The following USP10 variants were observed in gnomAD, a reference collection of about 807,000 sequenced individuals.
The protein encoded by USP10 is ubiquitin specific peptidase 10.
In USP10, 22 loss-of-function variants were observed where a neutral mutation model predicts 84.5. The observed-to-expected ratio is 0.26, with a 90% CI of 0.19 to 0.37. The LOEUF is 0.37. USP10 is among the 10% of genes least tolerant of loss of function. The pLI, the probability that USP10 is intolerant of heterozygous loss-of-function variation, is 1.00. For synonymous variants in USP10, 454 were observed against 387.6 expected, an observed-to-expected ratio of 1.17 and a Z score of -2.01; for missense variants, 1,019 against 998.9, an observed-to-expected ratio of 1.02 and a Z score of -0.27.
chr16:84,711,197 A>C (rs1466211332), intron 1 of USP10, among the ~76,000 whole-genome samples: 1 of 152,204 alleles, frequency 6.6e-6, no homozygotes, highest in East Asian at 1.9e-4. Context: ...TTTACCCAGT[A>C]CTTGCTCTGT....
In USP10 at chr16:84,779,209, A is replaced by G. The variant is rs1915330027; in HGVS notation, c.*127A>G. On this transcript the variant is annotated 3_prime_UTR_variant, in exon 14 of 14. Coordinates refer to ENST00000219473, the MANE Select transcript of USP10 (RefSeq NM_005153.3). The stretch of plus-strand genomic sequence containing the variant: ...TCTCCCTTTGCAAAAATGGGCTAGA[A>G]TGAAAAGGAGATGCCTTGGGGTTCG... The G allele has an allele frequency of 1.7e-6, 2 of 1,164,948 alleles. No homozygotes were observed. Among genetic ancestry groups the G allele is most frequent in the Non-Finnish European group, 2.4e-6 (2 of 841,228 alleles). The allele number at this position is 1,164,948 out of a possible 1,614,324, so 72.2% of individuals were successfully genotyped here.
rs549542057 is a variant in USP10 at position 84,713,196 on chromosome 16, G to T, written c.21+13085G>T. Among the ~76,000 whole-genome samples, 50 of 152,280 alleles carry T rather than the reference G, an allele frequency of 3.3e-4. No individual in the cohort carries two copies. The East Asian group carries it at 4.6e-3, about 14-fold the overall frequency. On this transcript the variant is annotated intron_variant, in intron 1 of 13. Transcript: ENST00000219473. ...AGCCAATGCCACCATTCACCCACTA[G>T]TTATTTATTGAACTCAGCTATGTGC...
intron 4 of USP10, among the ~76,000 whole-genome samples, chr16:84,750,070 C>T (rs1567629086): frequency 6.6e-6 from 1 of 152,028 alleles, no homozygotes; most frequent in African/African-American, 2.4e-5. Flanking sequence ...AGTGACTGGT[C>T]TGAGAGGAGA....
At chr16:84,741,356 C>T (rs1449236774) in intron 3 of USP10, among the ~76,000 whole-genome samples, 2 of 152,236 alleles carry the variant, frequency 1.3e-5, no homozygotes, top group East Asian at 1.9e-4. Context: ...GGCTGCTCAG[C>T]CTCCTGAGCC....
intron 1 of USP10, among the ~76,000 whole-genome samples, chr16:84,725,946 G>A (rs1340650348): frequency 6.6e-6 from 1 of 152,208 alleles, no homozygotes; most frequent in Non-Finnish European, 1.5e-5. Context: ...GTATTTGACT[G>A]TGACCTGGTT....
At chr16:84,701,126 A>T (rs143804801) in intron 1 of USP10, among the ~76,000 whole-genome samples, 1 of 152,182 alleles carries the variant, frequency 6.6e-6, no homozygotes, top group South Asian at 2.1e-4. Context: ...ATAACCCTTC[A>T]TGAGCAATTG....
chr16:84,760,323 C>T, intron 8 of USP10, 48 bp downstream of exon 8: 2 of 1,501,212 alleles, frequency 1.3e-6, no homozygotes, highest in South Asian at 2.4e-5. Context: ...GCCTTTTGTT[C>T]CAGTGTTTGT....
At chr16:84,754,216 T>G (rs1047757466) in intron 4 of USP10, among the ~76,000 whole-genome samples, 7 of 152,110 alleles carry the variant, frequency 4.6e-5, no homozygotes, top group African/African-American at 1.7e-4. Flanking sequence ...TACTCTGAGA[T>G]TAGGATTTAG....
At position 84,727,455 on chromosome 16, in the gene USP10, TAAAAAAAC is replaced by T. The variant is rs147898030; in HGVS notation, c.22-5976_22-5969del. On this transcript the variant is annotated intron_variant, in intron 1 of 13. Coordinates refer to ENST00000219473, the MANE Select transcript of USP10 (RefSeq NM_005153.3). The stretch of plus-strand genomic sequence containing the variant: ...ACCTCACAATTTTCAGTGTTAGCTT[TAAAAAAAC>T]AAACAAACAAACAAACAAACAAACA... 7.3e-3 allele frequency among the ~76,000 whole-genome samples: 1,029 copies of T among 141,768 alleles called. 8 individuals are homozygous for T. The highest frequency in any genetic ancestry group is 0.024 in the African/African-American group (972 of 39,810). The allele number at this position is 141,768 out of a possible 152,430, so 93.0% of individuals were successfully genotyped here. A position where few individuals can be genotyped will look rare whatever the true frequency, so the allele number is the denominator to read the frequency against.
chr16:84,703,122 A>C (rs1905102826), intron 1 of USP10, among the ~76,000 whole-genome samples: 1 of 152,150 alleles, frequency 6.6e-6, no homozygotes, highest in South Asian at 2.1e-4. Context: ...GAAGTGTAAT[A>C]GTGAAGAATT....
At chr16:84,736,298 AACCAAAAT>A (rs1399153489) in intron 2 of USP10, among the ~76,000 whole-genome samples, 1 of 152,166 alleles carries the variant, frequency 6.6e-6, no homozygotes, top group East Asian at 1.9e-4. Flanking sequence ...TGAATTGAAA[AACCAAAAT>A]TAAGAAATGT....
In USP10 at chr16:84,720,807, C is replaced by T. The variant is rs193196465; in HGVS notation, c.22-12628C>T. Among the ~76,000 whole-genome samples the T allele has an allele frequency of 7.7e-4, 116 of 150,796 alleles. 1 individual carries two copies. The highest frequency in any genetic ancestry group is 2.7e-3 in the African/African-American group (112 of 40,958). Reference sequence around the variant, plus strand: ...CCGTATTAGCGGGGATGGTCTCGATCTCCTGACCTCATGATCTGCCCACCT... The same window carrying T: ...CCGTATTAGCGGGGATGGTCTCGATTTCCTGACCTCATGATCTGCCCACCT... On this transcript the variant is annotated intron_variant, in intron 1 of 13. Transcript: ENST00000219473.
chr16:84,777,195 C>T (rs1372938446), intron 13 of USP10, among the ~76,000 whole-genome samples: 5 of 152,168 alleles, frequency 3.3e-5, no homozygotes, highest in East Asian at 1.9e-4. Context: ...GGGGGGCTTG[C>T]AGGTGTGAGT....
chr16:84,710,620 T>A (rs915021405), intron 1 of USP10, among the ~76,000 whole-genome samples: 2 of 152,174 alleles, frequency 1.3e-5, no homozygotes, highest in Admixed American at 6.5e-5. Flanking sequence ...TCGTAGAAAA[T>A]ATTAAGGAAA....
chr16:84,705,834 C>G (rs966800819), intron 1 of USP10, among the ~76,000 whole-genome samples: 2 of 150,736 alleles, frequency 1.3e-5, no homozygotes, highest in Non-Finnish European at 2.9e-5. Context: ...ATTCTCCTGC[C>G]TCAGTCTCTC....
chr16:84,774,370 C>G (rs1029740309), intron 12 of USP10, among the ~76,000 whole-genome samples: 2 of 152,160 alleles, frequency 1.3e-5, no homozygotes, highest in African/African-American at 4.8e-5. Flanking sequence ...AGTGGTACTT[C>G]TGCGCACAGT....
At chr16:84,774,222 A>G (rs894573059) in intron 12 of USP10, among the ~76,000 whole-genome samples, 7 of 151,794 alleles carry the variant, frequency 4.6e-5, no homozygotes, top group Admixed American at 4.6e-4. Context: ...CAGCCTGGGC[A>G]ACAGAGCAAG....
At chr16:84,756,025 G>T (rs371134091) in intron 4 of USP10, among the ~76,000 whole-genome samples, 5 of 152,190 alleles carry the variant, frequency 3.3e-5, no homozygotes, top group African/African-American at 1.2e-4. Context: ...CCATTTGGTG[G>T]CTTCAACCCC....
At chr16:84,760,066 C>G in intron 7 of USP10, 106 bp from the exon 8 acceptor site, 1 of 1,514,182 alleles carries the variant, frequency 6.6e-7, no homozygotes, top group Non-Finnish European at 9.1e-7. Flanking sequence ...ATGCCATTCT[C>G]AACATTCAGC....
Sources: gnomAD v4.1 joint callset for allele counts (sites outside exome capture counted in the v4.1 genomes callset) on GRCh38, gnomAD v4.1.1 for gene constraint, MANE v1.5 for transcripts, NCBI Gene and HGNC (gene_info 2026-07-23, HGNC 2026-07-21) for gene names.